The following SLC6A11 variants were observed in gnomAD, a reference collection of about 807,000 sequenced individuals.
The protein encoded by SLC6A11 is solute carrier family 6 member 11.
SLC6A11 carries 25 observed loss-of-function variants against 74.8 expected under a neutral mutation model. The observed-to-expected ratio is 0.33, with a 90% CI of 0.24 to 0.47. SLC6A11 has a LOEUF of 0.47. SLC6A11 is among the 20% of genes least tolerant of loss of function. The probability of loss-of-function intolerance (pLI) is 1.00; values close to 1 mark genes in which losing one functional copy is unlikely to be tolerated. For missense variants in SLC6A11, 574 were observed against 837.0 expected, an observed-to-expected ratio of 0.69 and a Z score of 3.88; for synonymous variants, 330 against 330.2, an observed-to-expected ratio of 1.00 and a Z score of 0.01.
At chr3:10,850,273 A>T (rs1694556860) in intron 5 of SLC6A11, among the ~76,000 whole-genome samples, 1 of 152,032 alleles carries the variant, frequency 6.6e-6, no homozygotes, top group Non-Finnish European at 1.5e-5. Flanking sequence ...TAAAAATTTC[A>T]CTCCAGCCTT....
At chr3:10,849,806 AAAAAAAAAAAAAAAAAC>A (rs1694549878) in intron 5 of SLC6A11, among the ~76,000 whole-genome samples, 1 of 115,320 alleles carries the variant, frequency 8.7e-6, no homozygotes, top group Admixed American at 8.0e-5. Context: ...AAAAAAAAAA[AAAAAAAAAAAAAAAAAC>A]GAAAAAAAAC....
At chr3:10,885,550 C>G (rs1299741516) in intron 6 of SLC6A11, among the ~76,000 whole-genome samples, 1 of 151,226 alleles carries the variant, frequency 6.6e-6, no homozygotes, top group African/African-American at 2.4e-5. Flanking sequence ...TGGGTAGAGC[C>G]CGGGGTACTG....
At chr3:10,818,865 G>A (rs1048886065) in intron 1 of SLC6A11, among the ~76,000 whole-genome samples, 15 of 152,218 alleles carry the variant, frequency 9.9e-5, no homozygotes, top group Admixed American at 6.5e-5. Flanking sequence ...CCAATTCAAA[G>A]CCAGCCTTTG....
intron 3 of SLC6A11, among the ~76,000 whole-genome samples, chr3:10,822,409 C>T (rs1694150584): frequency 6.6e-6 from 1 of 152,148 alleles, no homozygotes; most frequent in South Asian, 2.1e-4. Flanking sequence ...TAGATGGAGC[C>T]CTGGCTGGAG....
chr3:10,922,412 G>GGT (rs1392937103), intron 8 of SLC6A11, among the ~76,000 whole-genome samples: 1 of 151,998 alleles, frequency 6.6e-6, no homozygotes, highest in Non-Finnish European at 1.5e-5. Flanking sequence ...TTTTTGAAAT[G>GGT]GTGTGTGTGT....
intron 5 of SLC6A11, among the ~76,000 whole-genome samples, chr3:10,856,755 G>A (rs919320746): frequency 2.0e-5 from 3 of 152,190 alleles, no homozygotes; most frequent in Non-Finnish European, 4.4e-5. Flanking sequence ...AAATGGATGG[G>A]TGGAAGAGAG....
intron 10 of SLC6A11, among the ~76,000 whole-genome samples, chr3:10,931,301 C>A (rs774227873): frequency 6.6e-6 from 1 of 152,078 alleles, no homozygotes; most frequent in Admixed American, 6.5e-5. Context: ...ACACAGGAAG[C>A]GGTTTAACAC....
rs576370569 is a variant in SLC6A11, at chr3:10,870,234, A to G, written c.757-4727A>G. Among the ~76,000 whole-genome samples, 6 of 152,298 alleles carry G rather than the reference A, an allele frequency of 3.9e-5. No individual in the cohort carries two copies. In the East Asian group the frequency reaches 1.2e-3, roughly 29 times the overall value. On this transcript the variant is annotated intron_variant, in intron 5 of 13. Transcript: ENST00000254488. ...TGTGTGACCCTCATTGTGTGGTGTC[A>G]TGATCCCAGGAGTTTCATTCCTAGA...
At chr3:10,862,637 A>C (rs1331463036) in intron 5 of SLC6A11, among the ~76,000 whole-genome samples, 1 of 152,088 alleles carries the variant, frequency 6.6e-6, no homozygotes, top group Non-Finnish European at 1.5e-5. Context: ...TGCTTTAAGG[A>C]CTTTCTTCAT....
chr3:10,903,973 T>C (rs944887154), intron 6 of SLC6A11, among the ~76,000 whole-genome samples: 1 of 152,174 alleles, frequency 6.6e-6, no homozygotes, highest in South Asian at 2.1e-4. Flanking sequence ...ATGATCAAGG[T>C]AGGAATGTGG....
At chr3:10,847,906 C>T (rs981027833) in intron 5 of SLC6A11, among the ~76,000 whole-genome samples, 2 of 152,146 alleles carry the variant, frequency 1.3e-5, no homozygotes, top group Non-Finnish European at 2.9e-5. Flanking sequence ...CTGCCCCTGG[C>T]CTGTGGGACC....
intron 4 of SLC6A11, among the ~76,000 whole-genome samples, chr3:10,829,814 C>A (rs1694271219): frequency 6.6e-6 from 1 of 152,196 alleles, no homozygotes; most frequent in Non-Finnish European, 1.5e-5. Context: ...CAGATCTCTG[C>A]AAGTCTATGT....
At chr3:10,921,083 G>A (rs1376706438) in intron 8 of SLC6A11, among the ~76,000 whole-genome samples, 4 of 152,198 alleles carry the variant, frequency 2.6e-5, no homozygotes, top group Admixed American at 2.6e-4. Flanking sequence ...GAGACAGAAT[G>A]TACTATTTGC....
intron 4 of SLC6A11, among the ~76,000 whole-genome samples, chr3:10,842,222 C>G (rs1308837068): frequency 6.6e-6 from 1 of 152,208 alleles, no homozygotes; most frequent in Non-Finnish European, 1.5e-5. Flanking sequence ...CTCCCTCCCT[C>G]CAAAACACAA....
intron 6 of SLC6A11, among the ~76,000 whole-genome samples, chr3:10,878,599 G>C (rs1209047490): frequency 6.7e-6 from 1 of 148,578 alleles, no homozygotes; most frequent in African/African-American, 2.5e-5. Flanking sequence ...TTTTTTAGTA[G>C]AGATGGGGTT....
At chr3:10,885,330 A>C (rs1039226181) in intron 6 of SLC6A11, among the ~76,000 whole-genome samples, 11 of 152,116 alleles carry the variant, frequency 7.2e-5, no homozygotes, top group Admixed American at 3.9e-4. Context: ...AAGCCCCTCT[A>C]ACTCAATAGG....
At chr3:10,844,092 T>G in intron 4 of SLC6A11, 122 bp from the exon 5 acceptor site, 5 of 1,177,336 alleles carry the variant, frequency 4.2e-6, no homozygotes, top group Non-Finnish European at 6.0e-6. Flanking sequence ...AGAGGAGACA[T>G]TTGGCCCACG....
chr3:10,917,736 T>C (rs980567632), intron 7 of SLC6A11, among the ~76,000 whole-genome samples: 1 of 152,144 alleles, frequency 6.6e-6, no homozygotes, highest in African/African-American at 2.4e-5. Context: ...AACCTCTCCA[T>C]GCAAGGGTTC....
intron 4 of SLC6A11, among the ~76,000 whole-genome samples, chr3:10,832,649 A>G (rs147126874): frequency 2.6e-5 from 4 of 152,314 alleles, no homozygotes; most frequent in Non-Finnish European, 5.9e-5. Context: ...TCTGTTCACA[A>G]TTGAGTCTCC....
Sources: allele counts gnomAD v4.1 joint callset (sites outside exome capture counted in the v4.1 genomes callset), GRCh38; gene constraint gnomAD v4.1.1; transcripts MANE v1.5; gene names NCBI Gene and HGNC (gene_info 2026-07-23, HGNC 2026-07-21).